ABCD4: variants seen among roughly 807,000 people sequenced by gnomAD.
ABCD4 encodes ATP binding cassette subfamily D member 4.
A neutral mutation model predicts 86.3 loss-of-function variants in ABCD4; 53 were observed. The observed-to-expected ratio is 0.61, with a 90% CI of 0.49 to 0.77. The LOEUF is 0.77. Ranked by LOEUF, ABCD4 falls within the 30% of genes least tolerant of loss-of-function variation. The pLI, the probability that ABCD4 is intolerant of heterozygous loss-of-function variation, is 0.00. For synonymous variants in ABCD4, 328 were observed against 313.6 expected, an observed-to-expected ratio of 1.05 and a Z score of -0.49; for missense variants, 757 against 764.5, an observed-to-expected ratio of 0.99 and a Z score of 0.12.
At chr14:74,289,593 T>A in intron 13 of ABCD4, 74 bp from the exon 14 acceptor site, 1 of 1,579,564 alleles carries the variant, frequency 6.3e-7, no homozygotes, top group Non-Finnish European at 8.6e-7. Flanking sequence ...CCACCCTCCC[T>A]CCAGAACCCA....
intron 1 of ABCD4, 88 bp from the exon 2 acceptor site, chr14:74,300,356 TAG>T: frequency 1.2e-6 from 1 of 855,800 alleles, no homozygotes; most frequent in East Asian, 2.4e-5. Flanking sequence ...CATTGTTCTG[TAG>T]AGGGTCCAGG....
chr14:74,295,295 G>A (rs556910814), intron 6 of ABCD4, 97 bp from the exon 7 acceptor site: 123 of 1,444,202 alleles, frequency 8.5e-5, no homozygotes, highest in Admixed American at 6.1e-4. Context: ...AGCGGAGCCC[G>A]GCTCTGCCTC....
In ABCD4 at chr14:74,292,499, G is replaced by A. The variant is rs74063813; in HGVS notation, c.1028+52C>T. 1.2e-4 allele frequency: 190 copies of A among 1,601,412 alleles called. No homozygotes were observed. The highest frequency in any genetic ancestry group is 2.4e-4 in the Admixed American group (14 of 59,282). On this transcript the variant is annotated intron_variant, in intron 10 of 18. Coordinates refer to ENST00000356924, the MANE Select transcript of ABCD4 (RefSeq NM_005050.4). ...TTCCTTTTTTCACTCAGCCACTTCTGCCAGCAGCACACACTTTGCTCAGGA... is the reference window on the plus strand; with the variant it reads ...TTCCTTTTTTCACTCAGCCACTTCTACCAGCAGCACACACTTTGCTCAGGA...
rs370581068 is a variant in ABCD4 at position 74,292,278 on chromosome 14, G to C, written c.1118+9C>G. On this transcript the variant is annotated intron_variant, in intron 11 of 18. Transcript: ENST00000356924. ...GCCTCAACTACTGCTCTGCCAGCCC[G>C]CTACTCACGTGTCCAAGCCCCACTC... is the stretch of plus-strand genomic sequence containing the variant. 6 of 1,613,442 alleles carry C rather than the reference G, an allele frequency of 3.7e-6. No individual in the cohort carries two copies. Among genetic ancestry groups the C allele is most frequent in the Non-Finnish European group, 5.1e-6 (6 of 1,179,848 alleles).
rs768088632 is a variant in ABCD4 at position 74,298,030 on chromosome 14, C to T, written c.325G>A (p.Val109Met). ...FDQFTCNLLY[V>M]SWRKDLTEHL... is the part of the protein sequence containing the mutation. ...TCAGTGAGGTCCTTCCTCCAGCTCA[C>T]ATACAGCAGGTTGCAGGTGAACTGA... The change falls in exon 4 of 19, where the codon GTG becomes ATG. Residue 109 changes from valine to methionine, a missense_variant. Coordinates refer to ENST00000356924, the MANE Select transcript of ABCD4 (RefSeq NM_005050.4). 11 of 1,613,852 alleles carry T rather than the reference C, an allele frequency of 6.8e-6. No individual in the cohort carries two copies. Among genetic ancestry groups the T allele is most frequent in the Non-Finnish European group, 9.3e-6 (11 of 1,179,992 alleles).
intron 16 of ABCD4, 38 bp downstream of exon 16, chr14:74,288,169 G>A (rs368015750): frequency 4.0e-5 from 65 of 1,605,878 alleles, no homozygotes; most frequent in Non-Finnish European, 5.1e-5. Context: ...TGTCTTTATG[G>A]TGGGGCTATC....
At chr14:74,302,385 G>GCGGTTTCGA (rs2084853190) in intron 1 of ABCD4, among the ~76,000 whole-genome samples, 2 of 152,144 alleles carry the variant, frequency 1.3e-5, no homozygotes, top group African/African-American at 4.8e-5. Flanking sequence ...CCGCTATATA[G>GCGGTTTCGA]ATTTCAAAGT....
rs759081714 is a variant in ABCD4 at position 74,287,772 on chromosome 14, C to A, written c.1636+38G>T. The A allele has an allele frequency of 4.4e-6, 7 of 1,573,264 alleles. No individual in the cohort carries two copies. The African/African-American group carries it at 9.5e-5, about 21-fold the overall frequency. On this transcript the variant is annotated intron_variant, in intron 17 of 18. Transcript: ENST00000356924. Reference sequence around the variant, plus strand: ...ATGCTGCTACACCCGTGAGTGCAGACAGCGCATGGCATGTGCAGCCACAAG... The same window carrying A: ...ATGCTGCTACACCCGTGAGTGCAGAAAGCGCATGGCATGTGCAGCCACAAG...
At chr14:74,289,861 T>G in intron 13 of ABCD4, 166 bp downstream of exon 13, 1 of 1,461,238 alleles carries the variant, frequency 6.8e-7, no homozygotes, top group Non-Finnish European at 9.0e-7. Context: ...AATCCATGGA[T>G]GTGAATAGAA....
At chr14:74,301,438 G>C (rs1229481539) in intron 1 of ABCD4, among the ~76,000 whole-genome samples, 1 of 147,618 alleles carries the variant, frequency 6.8e-6, no homozygotes, top group African/African-American at 2.6e-5. Context: ...AGGATGACAG[G>C]TGTGAGCCAC....
intron 6 of ABCD4, 152 bp from the exon 7 acceptor site, chr14:74,295,350 G>A: frequency 1.2e-6 from 1 of 853,966 alleles, no homozygotes; most frequent in Non-Finnish European, 1.8e-6. Context: ...GACTGTTATG[G>A]GGTAGAAAAC....
Position 74,290,294 on chromosome 14 carries a change from G to A in ABCD4, c.1324C>T (p.Arg442Trp), listed in dbSNP as rs767691217. ...GCAGGGAGGGCCTGGCTCTCACCCC[G>A]TGTACTCGTCCAGAGGCCACCCAGA... ...RVLGGLWTST[R>W]GSVQMLTDFG... Residue 442 changes from arginine to tryptophan, a missense_variant, in exon 12 of 19, where the codon CGG (arginine) becomes TGG (tryptophan). Transcript: ENST00000356924. 14 of 1,614,140 alleles carry A rather than the reference G, an allele frequency of 8.7e-6. No individual in the cohort carries two copies. Among genetic ancestry groups the A allele is most frequent in the Admixed American group, 3.3e-5 (2 of 60,026 alleles).
At chr14:74,286,968 C>T in intron 17 of ABCD4, 152 bp from the exon 18 acceptor site, 1 of 663,852 alleles carries the variant, frequency 1.5e-6, no homozygotes, top group South Asian at 1.9e-5. Flanking sequence ...GAAGGATGGG[C>T]CAGAGGAGCA....
At chr14:74,288,139 A>T (rs2080342007) in intron 16 of ABCD4, 68 bp downstream of exon 16, 2 of 1,553,216 alleles carry the variant, frequency 1.3e-6, no homozygotes, top group Non-Finnish European at 8.8e-7. Context: ...CCATTCCTTG[A>T]CAGGGACCCT....
intron 4 of ABCD4, chr14:74,296,780 CAAG>C: frequency 4.2e-6 from 1 of 239,112 alleles, no homozygotes; most frequent in South Asian, 7.6e-5. Context: ...TTTGGATGAT[CAAG>C]AAGACTATCC....
chr14:74,301,557 G>A (rs915150147), intron 1 of ABCD4, among the ~76,000 whole-genome samples: 1 of 152,152 alleles, frequency 6.6e-6, no homozygotes, highest in South Asian at 2.1e-4. Context: ...ATTCAAAAAA[G>A]GGAAAACCCA....
chr14:74,299,728 G>C (rs2083821873), intron 2 of ABCD4, 53 bp from the exon 3 acceptor site: 2 of 1,558,866 alleles, frequency 1.3e-6, no homozygotes, highest in Non-Finnish European at 1.7e-6. Context: ...AAAAAGAAGG[G>C]AGGCTTCTTC....
intron 10 of ABCD4, 81 bp from the exon 11 acceptor site, chr14:74,292,457 T>C: frequency 2.5e-6 from 4 of 1,587,226 alleles, no homozygotes; most frequent in Non-Finnish European, 3.5e-6. Context: ...CACCCACGAG[T>C]ACATGGTATG....
rs866470504 is a variant in ABCD4 at position 74,285,632 on chromosome 14, T to C, written c.*829A>G. On this transcript the variant is annotated 3_prime_UTR_variant, in exon 19 of 19. Transcript: ENST00000356924. ...AGGGGCACTGGTCTGAGTGAGGACT[T>C]TGGGCACAGTAACTCCACCTCATGC... The C allele has an allele frequency of 2.0e-5, 3 of 152,320 alleles. No homozygotes were observed. Among genetic ancestry groups the C allele is most frequent in the Middle Eastern group, 6.8e-3 (2 of 294 alleles). 9.4% of individuals were successfully genotyped at this position (152,320 alleles called of 1,614,324 possible).
Sources: gnomAD v4.1 joint callset for allele counts (sites outside exome capture counted in the v4.1 genomes callset) on GRCh38, gnomAD v4.1.1 for gene constraint, MANE v1.5 for transcripts, NCBI Gene and HGNC (gene_info 2026-07-23, HGNC 2026-07-21) for gene names.